The following RNF149 variants were observed in gnomAD, a reference collection of about 807,000 sequenced individuals.
RNF149 encodes the protein ring finger protein 149, also known as E3 ubiquitin-protein ligase RNF149.
In RNF149, 21 loss-of-function variants were observed where a neutral mutation model predicts 39.0. That is an observed-to-expected ratio of 0.54 (90% CI 0.38 to 0.77). RNF149 has a LOEUF of 0.77. Ranked by LOEUF, RNF149 falls within the 30% of genes least tolerant of loss-of-function variation. The pLI is 0.00. For synonymous variants in RNF149, 209 were observed against 213.6 expected (o/e 0.98, Z 0.19); for missense variants, 493 against 534.9 (o/e 0.92, Z 0.77).
downstream of RNF149, among the ~76,000 whole-genome samples, chr2:101,275,393 A>G (rs1682298668): frequency 7.1e-6 from 1 of 140,496 alleles, no homozygotes; most frequent in Non-Finnish European, 1.5e-5. Context: ...CTGGGATTAC[A>G]GGCGTGAGCC....
chr2:101,275,266 TGCCACCA>T (rs1397810120), downstream of RNF149, among the ~76,000 whole-genome samples: 1 of 147,584 alleles, frequency 6.8e-6, no homozygotes, highest in Non-Finnish European at 1.5e-5. Flanking sequence ...TACAGGCACA[TGCCACCA>T]CGTCCGGCTA....
At chr2:101,273,061 G>A (rs1391991611), downstream of RNF149, 1 of 1,357,126 alleles carries the variant, frequency 7.4e-7, no homozygotes, top group Non-Finnish European at 9.8e-7. Flanking sequence ...GCTGGAGGGA[G>A]CAGTCTTCTG....
chr2:101,288,952 C>A, intron 4 of RNF149, 21 bp downstream of exon 4: 1 of 1,235,234 alleles, frequency 8.1e-7, no homozygotes, highest in South Asian at 1.3e-5. Flanking sequence ...TTTAACATCT[C>A]AATATGTAAA....
intron 6 of RNF149, among the ~76,000 whole-genome samples, chr2:101,279,345 T>C (rs1682485047): frequency 6.6e-6 from 1 of 152,194 alleles, no homozygotes; most frequent in Non-Finnish European, 1.5e-5. Flanking sequence ...TCTAAGAGGG[T>C]ATTTCAGGAC....
chr2:101,274,063 T>A (rs1239210540), downstream of RNF149, among the ~76,000 whole-genome samples: 1 of 136,522 alleles, frequency 7.3e-6, no homozygotes, highest in Non-Finnish European at 1.6e-5. Context: ...TTTTTTTTTT[T>A]AAGAGAAACA....
intron 1 of RNF149, among the ~76,000 whole-genome samples, chr2:101,295,848 A>T (rs1260255217): frequency 6.6e-6 from 1 of 152,072 alleles, no homozygotes; most frequent in Non-Finnish European, 1.5e-5. Flanking sequence ...TTAGTAATAA[A>T]CAACCAACAA....
chr2:101,301,811 G>A (rs1165065321), intron 1 of RNF149, among the ~76,000 whole-genome samples: 4 of 152,192 alleles, frequency 2.6e-5, no homozygotes, highest in South Asian at 4.1e-4. Flanking sequence ...TGGATGACAT[G>A]AGTCTAGTGT....
intron 1 of RNF149, among the ~76,000 whole-genome samples, chr2:101,306,852 C>A (rs1310947720): frequency 6.6e-6 from 1 of 152,124 alleles, no homozygotes; most frequent in African/African-American, 2.4e-5. Context: ...ACTGTTAGGA[C>A]CTGAACTTGC....
At chr2:101,306,975 T>C (rs1461252528) in intron 1 of RNF149, among the ~76,000 whole-genome samples, 4 of 152,190 alleles carry the variant, frequency 2.6e-5, no homozygotes, top group Admixed American at 2.6e-4. Flanking sequence ...AAGCTGAGAA[T>C]GAGTCAACTA....
chr2:101,283,267 C>T (rs558905596), intron 5 of RNF149, among the ~76,000 whole-genome samples: 1 of 152,328 alleles, frequency 6.6e-6, no homozygotes, highest in South Asian at 2.1e-4. Flanking sequence ...GCCCTGACCC[C>T]CTACCAGTCC....
At chr2:101,292,398 A>G (rs550383048) in intron 3 of RNF149, among the ~76,000 whole-genome samples, 3 of 152,340 alleles carry the variant, frequency 2.0e-5, no homozygotes, top group Admixed American at 2.0e-4. Flanking sequence ...AGAGGATAAT[A>G]CCAATTTACT....
chr2:101,277,648 C>T (rs1682398445), intron 6 of RNF149, among the ~76,000 whole-genome samples: 1 of 152,148 alleles, frequency 6.6e-6, no homozygotes, highest in Admixed American at 6.5e-5. Flanking sequence ...CTCAGCCTCC[C>T]AAAATGCTGG....
chr2:101,308,460 G>A lies in RNF149; in HGVS notation c.129C>T (p.Asn43=), dbSNP rs1212371063. 87 of 1,611,554 alleles carry A rather than the reference G, an allele frequency of 5.4e-5. No homozygotes were observed. The highest frequency in any genetic ancestry group is 6.9e-5 in the Non-Finnish European group (81 of 1,179,410). Residue 43 remains asparagine (N), a synonymous_variant, in exon 1 of 7, where the codon AAC becomes AAT. Coordinates refer to ENST00000295317, the MANE Select transcript of RNF149 (RefSeq NM_173647.4). ...TGGTCTGCGGGTCCACGTACTCGAT[G>A]TTTACCACGGCCGAGAACCACTCGA... ...RALEWFSAVV[N]IEYVDPQTNL...
intron 6 of RNF149, chr2:101,281,489 CTT>C (rs752092873): frequency 1.8e-3 from 249 of 136,574 alleles, no homozygotes; most frequent in Non-Finnish European, 2.9e-3. Flanking sequence ...AATAAAATTC[CTT>C]TTTTTTTTTT....
chr2:101,299,164 AC>A (rs1026304164), intron 1 of RNF149, among the ~76,000 whole-genome samples: 2 of 152,232 alleles, frequency 1.3e-5, no homozygotes, highest in African/African-American at 4.8e-5. Flanking sequence ...TCAAAACCAA[AC>A]AAAAAATAAT....
intron 3 of RNF149, among the ~76,000 whole-genome samples, chr2:101,293,201 A>G (rs1244709020): frequency 6.6e-6 from 1 of 152,138 alleles, no homozygotes; most frequent in Non-Finnish European, 1.5e-5. Context: ...CTTTAAGGTC[A>G]AAGAAAGAGA....
intron 3 of RNF149, among the ~76,000 whole-genome samples, chr2:101,290,544 T>C (rs1369526277): frequency 6.6e-6 from 1 of 152,290 alleles, no homozygotes; most frequent in Admixed American, 6.5e-5. Context: ...ATAAAACTTA[T>C]AATAAAAAGA....
At chr2:101,281,542 C>T (rs985013098) in intron 6 of RNF149, 3 of 213,610 alleles carry the variant, frequency 1.4e-5, no homozygotes, top group Admixed American at 5.7e-5. Context: ...GTCACCCAGG[C>T]TCAGGCTGGA....
chr2:101,302,978 C>G (rs1212294994), intron 1 of RNF149, among the ~76,000 whole-genome samples: 1 of 48,064 alleles, frequency 2.1e-5, no homozygotes, highest in South Asian at 4.5e-4. Context: ...AGACACTTGT[C>G]TCTAAAAAAA....
Sources: gnomAD v4.1 joint callset for allele counts (sites outside exome capture counted in the v4.1 genomes callset) on GRCh38, gnomAD v4.1.1 for gene constraint, MANE v1.5 for transcripts, NCBI Gene and HGNC (gene_info 2026-07-23, HGNC 2026-07-21) for gene names.